Variants in ATP6V0A1 observed in about 807,000 individuals in gnomAD.
ATP6V0A1 encodes ATPase H+ transporting V0 subunit a1.
A neutral mutation model predicts 105.4 loss-of-function variants in ATP6V0A1; 43 were observed. That is an observed-to-expected ratio of 0.41 (90% CI 0.32 to 0.53). ATP6V0A1 has a LOEUF of 0.53. Among genes scored for constraint, ATP6V0A1 ranks in the 20% least tolerant of loss-of-function variants. ATP6V0A1 has a pLI of 0.30. For missense variants in ATP6V0A1, 676 were observed against 1,051.1 expected, an observed-to-expected ratio of 0.64 and a Z score of 4.93; for synonymous variants, 362 against 372.8, an observed-to-expected ratio of 0.97 and a Z score of 0.33.
At chr17:42,466,332 A>G in intron 2 of ATP6V0A1, 97 bp from the exon 3 acceptor site, 2 of 1,055,244 alleles carry the variant, frequency 1.9e-6, no homozygotes, top group Non-Finnish European at 2.9e-6. Context: ...ATGCATTGAC[A>G]GAAAATTAGT....
At chr17:42,470,959 C>T (rs1239873617) in intron 5 of ATP6V0A1, 1 of 151,810 alleles carries the variant, frequency 6.6e-6, no homozygotes, top group Non-Finnish European at 1.5e-5. Flanking sequence ...CCGGTCTCTA[C>T]TAAAAATACA....
rs766171314 is a variant in ATP6V0A1, at chr17:42,490,689, G to GTTGGT, written c.1174+61_1174+65dup. ...CTCTAGAGTTTTTTTTGTTTGTTTG[G>GTTGGT]TTGGTTTGGTTTGTTTTGAGACAGA... is the stretch of plus-strand genomic sequence containing the variant. On this transcript the variant is annotated intron_variant, in intron 11 of 21. Transcript: ENST00000343619. The GTTGGT allele has an allele frequency of 4.5e-6, 7 of 1,540,498 alleles. No homozygotes were observed. The East Asian group carries it at 9.1e-5, about 20-fold the overall frequency.
chr17:42,493,797 G>A (rs528471234), intron 11 of ATP6V0A1, among the ~76,000 whole-genome samples: 1 of 152,220 alleles, frequency 6.6e-6, no homozygotes, highest in African/African-American at 2.4e-5. Context: ...CTGGGTGGCA[G>A]AGAAAGACCC....
Position 42,499,197 on chromosome 17 carries a change from G to A in ATP6V0A1, c.1679+155G>A, listed in dbSNP as rs181329631. Among the ~76,000 whole-genome samples, 206 of 152,288 alleles carry A rather than the reference G, an allele frequency of 1.4e-3. 1 individual carries two copies. Among genetic ancestry groups the A allele is most frequent in the Middle Eastern group, 0.01 (3 of 294 alleles). On this transcript the variant is annotated intron_variant, in intron 15 of 21. Transcript: ENST00000343619. Reference sequence around the variant, plus strand: ...TAAAAATTTAATGGTGTGGCCAGGCGCGGTGGATCATGCCTGTAATCCCAG... The same window carrying A: ...TAAAAATTTAATGGTGTGGCCAGGCACGGTGGATCATGCCTGTAATCCCAG...
intron 2 of ATP6V0A1, among the ~76,000 whole-genome samples, chr17:42,464,276 G>A (rs1214564163): frequency 1.3e-5 from 2 of 152,188 alleles, no homozygotes; most frequent in Non-Finnish European, 2.9e-5. Context: ...TGAAGACTGG[G>A]ACGTAGCTTA....
At chr17:42,503,736 G>A (rs1346585666) in intron 17 of ATP6V0A1, among the ~76,000 whole-genome samples, 2 of 152,162 alleles carry the variant, frequency 1.3e-5, no homozygotes, top group African/African-American at 4.8e-5. Context: ...CCTTCATTAA[G>A]TGTTTCTGAT....
chr17:42,506,077 C>T (rs533494908), intron 17 of ATP6V0A1, among the ~76,000 whole-genome samples: 8 of 152,252 alleles, frequency 5.3e-5, no homozygotes, highest in African/African-American at 1.4e-4. Context: ...CATGAGCCAC[C>T]GCGCCCAGCC....
At chr17:42,487,681 T>C (rs2090236358) in intron 10 of ATP6V0A1, among the ~76,000 whole-genome samples, 1 of 152,058 alleles carries the variant, frequency 6.6e-6, no homozygotes, top group Non-Finnish European at 1.5e-5. Flanking sequence ...TGAGCTGAGA[T>C]TGCGCCACTG....
intron 5 of ATP6V0A1, among the ~76,000 whole-genome samples, chr17:42,475,229 G>A (rs979233944): frequency 1.3e-5 from 2 of 152,118 alleles, no homozygotes; most frequent in African/African-American, 4.8e-5. Context: ...GTAATTGTTT[G>A]TTCTTGGTAA....
intron 10 of ATP6V0A1, among the ~76,000 whole-genome samples, chr17:42,489,493 AATG>A (rs3837840): frequency 0.081 from 12,339 of 152,104 alleles, 541 homozygotes; most frequent in East Asian, 0.15. Flanking sequence ...TAGAGTAGTA[AATG>A]ATAAGGATCC....
chr17:42,499,262 G>A (rs901326473), intron 15 of ATP6V0A1, among the ~76,000 whole-genome samples: 12 of 152,232 alleles, frequency 7.9e-5, no homozygotes, highest in Non-Finnish European at 1.0e-4. Context: ...CCTGAGGTCA[G>A]GAGTTCGAAA....
intron 1 of ATP6V0A1, among the ~76,000 whole-genome samples, chr17:42,459,633 T>C (rs945532436): frequency 6.6e-6 from 1 of 152,204 alleles, no homozygotes; most frequent in Non-Finnish European, 1.5e-5. Context: ...CCAGGCCTAA[T>C]TTTATGTGTT....
chr17:42,520,792 C>T (rs754053501), intron 21 of ATP6V0A1: 13 of 517,976 alleles, frequency 2.5e-5, no homozygotes, highest in African/African-American at 5.8e-5. Context: ...ACACACTGCT[C>T]GGCAGGACAG....
intron 17 of ATP6V0A1, 26 bp from the exon 18 acceptor site, chr17:42,507,494 T>G: frequency 6.4e-7 from 1 of 1,551,038 alleles, no homozygotes; most frequent in Non-Finnish European, 8.9e-7. Flanking sequence ...CCAGGCAAAT[T>G]CTACTCTTTC....
At chr17:42,481,057 G>A in intron 8 of ATP6V0A1, 1 of 190,590 alleles carries the variant, frequency 5.2e-6, no homozygotes, top group Non-Finnish European at 1.1e-5. Flanking sequence ...GGGTAGCTGG[G>A]ACTACAGGCG....
In ATP6V0A1 at chr17:42,514,351, G is replaced by A; in HGVS notation, c.2311G>A (p.Gly771Arg). 1 of 1,613,672 alleles carries A rather than the reference G, an allele frequency of 6.2e-7. No homozygotes were observed. The highest frequency in any genetic ancestry group is 8.5e-7 in the Non-Finnish European group (1 of 1,179,754). Residue 771 changes from glycine to arginine, a missense_variant, in exon 21 of 22, where the codon GGA becomes AGA. By Grantham distance (125) the Gly-to-Arg change is moderately radical (BLOSUM62 -2). Around this residue, in one of 3 missense-constraint regions of ATP6V0A1, gnomAD observed 435 missense variants for 642.2 expected, o/e 0.68. Transcript: ENST00000343619. ...CGGCCTGAGCGTGAAGAGCTTGGCG[G>A]GAGGTTTGGTGCTGTTCTTCTTCTT... ...HIGLSVKSLAGGLVLFFFFTA... is the reference protein window; with the variant it reads ...HIGLSVKSLARGLVLFFFFTA...
Position 42,470,157 on chromosome 17 carries a change from A to G in ATP6V0A1, c.362A>G (p.Asn121Ser). 6.2e-7 allele frequency: 1 copy of G among 1,612,466 alleles called. No homozygotes were observed. The highest frequency in any genetic ancestry group is 8.5e-7 in the Non-Finnish European group (1 of 1,178,998). The change falls in exon 5 of 22, where the codon AAC (asparagine) becomes AGC (serine). Residue 121 changes from asparagine to serine, a missense_variant. Asn to Ser is a conservative substitution (Grantham distance 46). This residue lies in a region of ATP6V0A1 where 239 missense variants were observed against 388.4 expected (regional missense o/e 0.62). Transcript: ENST00000343619. ...INTNQEALKR[N>S]FLELTELKFI... ...ACAAACCAGGAAGCTCTGAAGAGAA[A>G]CTTCCTGGAACTGACCGAATTAAAA... is the stretch of plus-strand genomic sequence containing the variant.
At chr17:42,462,633 T>C (rs915536138) in intron 2 of ATP6V0A1, among the ~76,000 whole-genome samples, 10 of 152,252 alleles carry the variant, frequency 6.6e-5, no homozygotes, top group Admixed American at 2.0e-4. Flanking sequence ...TTGGCCAGGC[T>C]GGTCTCGAAC....
At chr17:42,512,483 G>A (rs1457059167) in intron 19 of ATP6V0A1, among the ~76,000 whole-genome samples, 1 of 152,168 alleles carries the variant, frequency 6.6e-6, no homozygotes, top group African/African-American at 2.4e-5. Context: ...TCTTAACCAC[G>A]GTGTTGGGAT....
Sources: gnomAD v4.1 joint callset for allele counts (sites outside exome capture counted in the v4.1 genomes callset) on GRCh38, gnomAD v4.1.1 for gene constraint, gnomAD v4.1.1 regional missense constraint, MANE v1.5 for transcripts, NCBI Gene and HGNC (gene_info 2026-07-23, HGNC 2026-07-21) for gene names.